The following ARL17B variants were observed in gnomAD, a reference collection of about 807,000 sequenced individuals.
The protein encoded by ARL17B is ADP-ribosylation factor-like protein 17.
rs927614572 is a variant in ARL17B, at chr17:46,334,902, A to C, written c.*4598T>G. On this transcript the variant is annotated 3_prime_UTR_variant, in exon 4 of 4. Transcript: ENST00000450673. ...CAGAAAGTACAATATAACAACTGTC[A>C]ACAATGTACAATATGTATACATTTT... The C allele has an allele frequency of 7.7e-6, 1 of 129,504 alleles. No homozygotes were observed. The highest frequency in any genetic ancestry group is 2.7e-5 in the African/African-American group (1 of 37,402). The allele number at this position is 129,504 out of a possible 1,614,324, so 8.0% of individuals were successfully genotyped here.
chr17:46,323,500 G>A (rs2051513124), intron 3 of ARL17B, among the ~76,000 whole-genome samples: 1 of 94,530 alleles, frequency 1.1e-5, no homozygotes, highest in African/African-American at 3.4e-5. Context: ...AGGTTCAAGT[G>A]GTTCTCCTGC....
At chr17:46,274,940 T>G (rs2049547248) in exon 5 of ARL17B, 1 of 153,304 alleles carries the variant, frequency 6.5e-6, no homozygotes, top group African/African-American at 2.4e-5. Flanking sequence ...TCACCCAGGC[T>G]GGAGTGCAAT....
chr17:46,291,377 G>A (rs1276061678), intron 4 of ARL17B, among the ~76,000 whole-genome samples: 1 of 151,970 alleles, frequency 6.6e-6, no homozygotes, highest in Non-Finnish European at 1.5e-5. Flanking sequence ...CTGTGAGCAG[G>A]ACTAAAACTG....
intron 4 of ARL17B, among the ~76,000 whole-genome samples, chr17:46,280,664 C>T (rs906653289): frequency 2.0e-5 from 3 of 150,074 alleles, no homozygotes; most frequent in Admixed American, 1.3e-4. Context: ...GCCTCTGCCT[C>T]CCTGTTTCAA....
chr17:46,285,886 G>C (rs2049894045), intron 4 of ARL17B, among the ~76,000 whole-genome samples: 1 of 152,248 alleles, frequency 6.6e-6, no homozygotes, highest in African/African-American at 2.4e-5. Context: ...GCTGCACACA[G>C]AGGGGCTCTC....
intron 4 of ARL17B, among the ~76,000 whole-genome samples, chr17:46,281,786 G>A (rs1448913336): frequency 1.3e-5 from 2 of 151,980 alleles, no homozygotes; most frequent in Non-Finnish European, 2.9e-5. Flanking sequence ...TGGGATTACA[G>A]GTGTGCATCA....
At chr17:46,282,782 C>T (rs1350761875) in intron 4 of ARL17B, among the ~76,000 whole-genome samples, 6 of 152,170 alleles carry the variant, frequency 3.9e-5, no homozygotes, top group Non-Finnish European at 5.9e-5. Flanking sequence ...ATCTTCCTTG[C>T]TACAGAAGAG....
At chr17:46,279,488 T>C (rs1210556147) in intron 4 of ARL17B, among the ~76,000 whole-genome samples, 17 of 148,164 alleles carry the variant, frequency 1.1e-4, no homozygotes, top group Middle Eastern at 3.5e-3. Flanking sequence ...CTGGCCTTTT[T>C]TTTCTTTCTT....
chr17:46,277,675 G>A (rs2049629774), intron 4 of ARL17B, among the ~76,000 whole-genome samples: 1 of 122,672 alleles, frequency 8.2e-6, no homozygotes, highest in African/African-American at 2.6e-5. Context: ...TTGAGACAGA[G>A]TCTTGCTGTT....
In ARL17B at chr17:46,289,988, G is replaced by A. The variant is rs559838887; in HGVS notation, c.*21+9538C>T. On this transcript the variant is annotated intron_variant, in intron 4 of 4. Transcript: ENST00000570618. ...ACAAAAATGAGCCAGGTGTGGTGGC[G>A]CATGCCTGTAGTGCCAACTACTTGG... Among the ~76,000 whole-genome samples, 29 of 152,338 alleles carry A rather than the reference G, an allele frequency of 1.9e-4. 1 individual carries two copies. The highest frequency in any genetic ancestry group is 1.4e-3 in the Admixed American group (21 of 15,308).
At chr17:46,314,814 T>C (rs1598136337) in intron 3 of ARL17B, among the ~76,000 whole-genome samples, 1 of 82,248 alleles carries the variant, frequency 1.2e-5, no homozygotes, top group Non-Finnish European at 3.7e-5. Context: ...TTGTGTGTGA[T>C]GTCTTTAGTT....
At chr17:46,286,517 T>G (rs1386877630) in intron 4 of ARL17B, among the ~76,000 whole-genome samples, 2 of 152,262 alleles carry the variant, frequency 1.3e-5, no homozygotes, top group Non-Finnish European at 2.9e-5. Context: ...CAAGTCAAGC[T>G]AGTTTAATCT....
chr17:46,283,475 A>G (rs1439610384), intron 4 of ARL17B, among the ~76,000 whole-genome samples: 1 of 152,260 alleles, frequency 6.6e-6, no homozygotes, highest in Non-Finnish European at 1.5e-5. Context: ...CACTACATCA[A>G]TGAACCCAAA....
At chr17:46,277,653 C>CTTTCTTTCTTTCTTTT (rs143961379) in intron 4 of ARL17B, among the ~76,000 whole-genome samples, 4,694 of 137,484 alleles carry the variant, frequency 0.034, no homozygotes, top group Middle Eastern at 0.054. Flanking sequence ...TTCTTTCTTT[C>CTTTCTTTCTTTCTTTT]TTTTTTTTTT....
rs2049558831 is a variant in ARL17B at position 46,275,409 on chromosome 17, G to T, written c.*31C>A. On this transcript the variant is annotated 3_prime_UTR_variant, in exon 5 of 5. Coordinates refer to the ARL17B transcript ENST00000570618. ...AGGAAGCTGTAGACTGCAGTTTGTT[G>T]TTGTGAGACCTACAGAGTATAGAAA... 3.0e-6 allele frequency: 3 copies of T among 984,448 alleles called. No homozygotes were observed. The Admixed American group carries it at 6.0e-5, about 20-fold the overall frequency. 61.0% of individuals were successfully genotyped at this position (984,448 alleles called of 1,614,324 possible).
rs1390497906 is a variant in ARL17B at position 46,323,546 on chromosome 17, GCCA to G, written c.260-23884_260-23882del. On this transcript the variant is annotated intron_variant, in intron 3 of 4. Coordinates refer to the ARL17B transcript ENST00000434041. Reference sequence around the variant, plus strand: ...CGAGTAGCTGGGATTACAGGCGCATGCCACCACACCTGGCTAATTTTTGTATTT... The same window carrying G: ...CGAGTAGCTGGGATTACAGGCGCATGCCACACCTGGCTAATTTTTGTATTT... 2.2e-5 allele frequency among the ~76,000 whole-genome samples: 2 copies of G among 90,288 alleles called. 1 individual carries two copies. The highest frequency in any genetic ancestry group is 5.0e-5 in the Non-Finnish European group (2 of 39,734). The allele number at this position is 90,288 out of a possible 152,430, so 59.2% of individuals were successfully genotyped here.
chr17:46,275,514 G>T, intron 4 of ARL17B: 1 of 596,250 alleles, frequency 1.7e-6, no homozygotes, highest in South Asian at 1.5e-5. Context: ...GGAAGAAGCA[G>T]CCATGTTCTT....
chr17:46,289,700 C>T (rs1246863847), intron 4 of ARL17B, among the ~76,000 whole-genome samples: 2 of 152,166 alleles, frequency 1.3e-5, no homozygotes, highest in Non-Finnish European at 2.9e-5. Context: ...ATTCCCAAAA[C>T]GTTTCATCAT....
chr17:46,302,458 T>C lies in ARL17B; in HGVS notation c.260-2793A>G, dbSNP rs1170460090. 4.3e-5 allele frequency among the ~76,000 whole-genome samples: 3 copies of C among 70,406 alleles called. 1 individual carries two copies. The highest frequency in any genetic ancestry group is 1.3e-4 in the Non-Finnish European group (3 of 23,932). The allele number at this position is 70,406 out of a possible 152,430, so 46.2% of individuals were successfully genotyped here. On this transcript the variant is annotated intron_variant, in intron 3 of 4. Coordinates refer to the ARL17B transcript ENST00000434041. ...GTGTGTGTGTGTGTGTTTGTGGTGGTGGTGGAGAGAGATGGACACAAAAAG... is the reference window on the plus strand; with the variant it reads ...GTGTGTGTGTGTGTGTTTGTGGTGGCGGTGGAGAGAGATGGACACAAAAAG...
Sources: gnomAD v4.1 joint callset for allele counts (sites outside exome capture counted in the v4.1 genomes callset) on GRCh38, gnomAD v4.1.1 for gene constraint, MANE v1.5 for transcripts, NCBI Gene and HGNC (gene_info 2026-07-23, HGNC 2026-07-21) for gene names.